The following DBNDD1 variants were observed in gnomAD, a reference collection of about 807,000 sequenced individuals.
DBNDD1 encodes the protein dysbindin domain containing 1.
DBNDD1 carries 14 observed loss-of-function variants against 17.0 expected under a neutral mutation model. That is an observed-to-expected ratio of 0.82 (90% CI 0.54 to 1.29). The LOEUF (loss-of-function observed/expected upper bound fraction) is 1.29. Ranked by LOEUF, DBNDD1 falls within the 50% of genes most tolerant of loss-of-function variation. DBNDD1 has a pLI of 0.00. For missense variants in DBNDD1, 221 were observed against 216.2 expected, an observed-to-expected ratio of 1.02 and a Z score of -0.14; for synonymous variants, 105 against 102.0, an observed-to-expected ratio of 1.03 and a Z score of -0.18.
At chr16:90,009,058 A>G (rs2035498810) in intron 2 of DBNDD1, 134 bp from the exon 3 acceptor site, 5 of 1,283,666 alleles carry the variant, frequency 3.9e-6, no homozygotes, top group Non-Finnish European at 5.2e-6. Flanking sequence ...CAAAGCCCAC[A>G]CCGGCAGGAT....
At chr16:90,008,164 G>C (rs1302830459) in intron 3 of DBNDD1, among the ~76,000 whole-genome samples, 3 of 99,754 alleles carry the variant, frequency 3.0e-5, no homozygotes, top group African/African-American at 1.1e-4. Flanking sequence ...GTCCCAAGGG[G>C]CCTCAGCCCA....
intron 2 of DBNDD1, 148 bp downstream of exon 2, chr16:90,009,136 G>A: frequency 7.7e-7 from 1 of 1,302,824 alleles, no homozygotes; most frequent in African/African-American, 1.5e-5. Context: ...CTGAGGCTCA[G>A]AGAACCAGAG....
chr16:90,013,050 G>A (rs1263312042), intron 1 of DBNDD1, among the ~76,000 whole-genome samples: 1 of 151,756 alleles, frequency 6.6e-6, no homozygotes, highest in Non-Finnish European at 1.5e-5. Flanking sequence ...GGCCAGAGTA[G>A]TTCTGCAGAG....
chr16:90,019,242 G>C lies in DBNDD1; in HGVS notation c.31+69C>G. On this transcript the variant is annotated intron_variant, in intron 1 of 3. Transcript: ENST00000002501. This position sits in a 1 kb window ranked among gnomAD's most constrained non-coding sequence, Gnocchi z 6.1. Reference sequence around the variant, plus strand: ...CGGGAGCGGCGAAGGGTGAGCCCTGGGGGGAGGGGCTGCGGCTCGCTGCGG... The same window carrying C: ...CGGGAGCGGCGAAGGGTGAGCCCTGCGGGGAGGGGCTGCGGCTCGCTGCGG... 1 of 814,386 alleles carries C rather than the reference G, an allele frequency of 1.2e-6. No homozygotes were observed. The allele number at this position is 814,386 out of a possible 1,614,324, so 50.4% of individuals were successfully genotyped here. A position where few individuals can be genotyped will look rare whatever the true frequency, so the allele number is the denominator to read the frequency against.
At chr16:90,017,694 G>C (rs74037161) in intron 1 of DBNDD1, among the ~76,000 whole-genome samples, 2,453 of 152,310 alleles carry the variant, frequency 0.016, 71 homozygotes, top group African/African-American at 0.056. Flanking sequence ...TCAAAAGTAA[G>C]TGATAAGTAA....
upstream of DBNDD1, chr16:90,019,846 G>T (rs1254704893): frequency 1.5e-6 from 1 of 686,970 alleles, no homozygotes; most frequent in Middle Eastern, 2.4e-4. The surrounding 1 kb of genome is among the most constrained non-coding windows in gnomAD (Gnocchi z 6.1). Flanking sequence ...CCTGACTCGC[G>T]CTGGGTAATG....
intron 1 of DBNDD1, among the ~76,000 whole-genome samples, chr16:90,016,937 C>G (rs1193906642): frequency 6.6e-6 from 1 of 152,230 alleles, no homozygotes; most frequent in Non-Finnish European, 1.5e-5. Flanking sequence ...GCACCTTCCT[C>G]TCTGGATTTG....
intron 1 of DBNDD1, among the ~76,000 whole-genome samples, chr16:90,010,653 C>T (rs942218246): frequency 1.3e-5 from 2 of 151,544 alleles, no homozygotes; most frequent in African/African-American, 4.9e-5. Context: ...ATATACTTAA[C>T]AATTGTTTTG....
At position 90,006,145 on chromosome 16, in the gene DBNDD1, G is replaced by T; in HGVS notation, c.*190C>A. On this transcript the variant is annotated 3_prime_UTR_variant, in exon 4 of 4. Coordinates refer to ENST00000002501, the MANE Select transcript of DBNDD1 (RefSeq NM_001042610.3). Reference sequence around the variant, plus strand: ...GGAAAGCCGGCTGGTCTCCAAGTGAGGCGAAGACCCGTGCCCAGCAGACAA... The same window carrying T: ...GGAAAGCCGGCTGGTCTCCAAGTGATGCGAAGACCCGTGCCCAGCAGACAA... The T allele has an allele frequency of 1.2e-6, 1 of 843,786 alleles. No homozygotes were observed. Among genetic ancestry groups the T allele is most frequent in the Non-Finnish European group, 1.8e-6 (1 of 570,040 alleles). The allele number at this position is 843,786 out of a possible 1,614,324, so 52.3% of individuals were successfully genotyped here.
intron 1 of DBNDD1, among the ~76,000 whole-genome samples, chr16:90,011,284 C>T (rs574429956): frequency 2.0e-5 from 3 of 152,344 alleles, no homozygotes; most frequent in Non-Finnish European, 2.9e-5. Flanking sequence ...TGTCCTCCCC[C>T]GTGGCACTAG....
intron 2 of DBNDD1, 78 bp from the exon 3 acceptor site, chr16:90,009,002 T>A (rs2035497587): frequency 6.2e-6 from 9 of 1,452,050 alleles, no homozygotes; most frequent in Admixed American, 4.9e-5. Flanking sequence ...TAGGAGAGAG[T>A]GTGCTGTGTC....
upstream of DBNDD1, chr16:90,019,824 G>C: frequency 1.5e-6 from 1 of 688,584 alleles, no homozygotes; most frequent in Non-Finnish European, 2.6e-6. This position sits in a 1 kb window ranked among gnomAD's most constrained non-coding sequence, Gnocchi z 6.1. Context: ...CTGGCGAGGG[G>C]CACAGGAGGG....
chr16:90,009,317 C>G lies in DBNDD1; in HGVS notation c.145G>C (p.Ala49Pro). 6.2e-7 allele frequency: 1 copy of G among 1,613,588 alleles called. No homozygotes were observed. Among genetic ancestry groups the G allele is most frequent in the Non-Finnish European group, 8.5e-7 (1 of 1,179,996 alleles). The change falls in exon 2 of 4, where the codon GCA becomes CCA. Residue 49 changes from alanine (A) to proline (P), a missense_variant. Ala to Pro is a conservative substitution (Grantham distance 27). Coordinates refer to ENST00000002501, the MANE Select transcript of DBNDD1 (RefSeq NM_001042610.3). ...TCCGTGACCTGCAGGAGCCCCGGTG[C>G]TGGTACTGGGATGCCCCCGACCTCC... ...EEEVGGIPVP[A>P]PGLLQVTERR...
At chr16:90,010,618 C>G (rs926237633) in intron 1 of DBNDD1, among the ~76,000 whole-genome samples, 1 of 151,952 alleles carries the variant, frequency 6.6e-6, no homozygotes, top group Non-Finnish European at 1.5e-5. Context: ...CATGAGCCAC[C>G]GTGCCTGGCC....
chr16:90,009,019 CA>C, intron 2 of DBNDD1, 95 bp from the exon 3 acceptor site: 1 of 1,432,146 alleles, frequency 7.0e-7, no homozygotes, highest in Non-Finnish European at 9.2e-7. Context: ...TGTCCTCCCA[CA>C]AGGCTGTGGG....
At chr16:90,013,702 C>T (rs192321080) in intron 1 of DBNDD1, among the ~76,000 whole-genome samples, 2 of 152,272 alleles carry the variant, frequency 1.3e-5, no homozygotes, top group East Asian at 3.9e-4. Flanking sequence ...CTCATCTAGA[C>T]GAAGGCTCTG....
At position 90,006,125 on chromosome 16, in the gene DBNDD1, G is replaced by A; in HGVS notation, c.*210C>T. On this transcript the variant is annotated 3_prime_UTR_variant, in exon 4 of 4. Transcript: ENST00000002501. ...GGGGCCCCGTGTGTCCCCCAGGAAA[G>A]CCGGCTGGTCTCCAAGTGAGGCGAA... 1.4e-6 allele frequency: 1 copy of A among 704,244 alleles called. No individual in the cohort carries two copies. Among genetic ancestry groups the A allele is most frequent in the Non-Finnish European group, 2.2e-6 (1 of 451,248 alleles). The allele number at this position is 704,244 out of a possible 1,614,324, so 43.6% of individuals were successfully genotyped here.
intron 3 of DBNDD1, 85 bp from the exon 4 acceptor site, chr16:90,006,577 C>T (rs1034503903): frequency 2.9e-4 from 434 of 1,492,968 alleles, no homozygotes; most frequent in Non-Finnish European, 3.5e-4. Context: ...CGGCCTCCTG[C>T]GCCACTCCTG....
At chr16:90,006,793 C>G in intron 3 of DBNDD1, 1 of 348,856 alleles carries the variant, frequency 2.9e-6, no homozygotes, top group East Asian at 4.7e-5. Flanking sequence ...CTGGTGGGGC[C>G]TCCCTAAACT....
Sources: gnomAD v4.1 joint callset for allele counts (sites outside exome capture counted in the v4.1 genomes callset) on GRCh38, gnomAD v4.1.1 for gene constraint, Gnocchi (gnomAD v3.1) non-coding constraint, MANE v1.5 for transcripts, NCBI Gene and HGNC (gene_info 2026-07-23, HGNC 2026-07-21) for gene names.